The following MACROD2 variants were observed in gnomAD, a reference collection of about 807,000 sequenced individuals.
MACROD2 encodes the protein ADP-ribose glycohydrolase MACROD2.
A neutral mutation model predicts 70.4 loss-of-function variants in MACROD2; 36 were observed. That is an observed-to-expected ratio of 0.51 (90% CI 0.39 to 0.68). The LOEUF (loss-of-function observed/expected upper bound fraction) is 0.68. Among genes scored for constraint, MACROD2 ranks in the 30% least tolerant of loss-of-function variants. MACROD2 has a pLI of 0.00. For synonymous variants in MACROD2, 172 were observed against 178.8 expected, an observed-to-expected ratio of 0.96 and a Z score of 0.30; for missense variants, 496 against 538.4, an observed-to-expected ratio of 0.92 and a Z score of 0.78.
At chr20:14,681,259 T>G (rs890444217) in intron 4 of MACROD2, among the ~76,000 whole-genome samples, 4 of 152,194 alleles carry the variant, frequency 2.6e-5, no homozygotes, top group Non-Finnish European at 5.9e-5. Flanking sequence ...TTTCACTCAA[T>G]GATATTTGTC....
intron 5 of MACROD2, among the ~76,000 whole-genome samples, chr20:14,777,683 AC>A (rs1248018818): frequency 6.6e-6 from 1 of 152,056 alleles, no homozygotes; most frequent in African/African-American, 2.4e-5. Flanking sequence ...TAACTAGTGG[AC>A]CCAGGCATGA....
In MACROD2 at chr20:14,984,581, G is replaced by A. The variant is rs575514369; in HGVS notation, c.419-245359G>A. ...ATCTAGATTAAAGAAACTGCTAGAC[G>A]AACAGGGGTGGGCAAGTTGTCAATG... On this transcript the variant is annotated intron_variant, in intron 5 of 17. Transcript: ENST00000684519. 3.3e-5 allele frequency among the ~76,000 whole-genome samples: 5 copies of A among 152,248 alleles called. No homozygotes were observed. In the East Asian group the frequency reaches 7.7e-4, roughly 23 times the overall value.
intron 15 of MACROD2, among the ~76,000 whole-genome samples, chr20:15,991,947 T>C (rs960342027): frequency 1.3e-5 from 2 of 152,214 alleles, no homozygotes; most frequent in Non-Finnish European, 2.9e-5. Flanking sequence ...TTAAGCTAAA[T>C]TGTTTAGGTT....
intron 1 of MACROD2, among the ~76,000 whole-genome samples, chr20:14,001,606 TA>T (rs539623539): frequency 9.2e-5 from 14 of 151,774 alleles, no homozygotes; most frequent in Admixed American, 3.9e-4. Context: ...AGTAATTTAT[TA>T]AAAAAAAGAC....
intron 3 of MACROD2, among the ~76,000 whole-genome samples, chr20:14,195,711 T>C (rs1171805669): frequency 6.6e-6 from 1 of 152,158 alleles, no homozygotes; most frequent in Admixed American, 6.5e-5. Flanking sequence ...GGCTGCCGAC[T>C]GGCAGAGCAT....
intron 15 of MACROD2, among the ~76,000 whole-genome samples, chr20:16,005,956 T>G (rs1568702857): frequency 6.6e-6 from 1 of 152,182 alleles, no homozygotes; most frequent in Non-Finnish European, 1.5e-5. Context: ...GTTTTTCCCA[T>G]CTCATCAAGC....
chr20:14,678,811 A>C (rs1029617077), intron 4 of MACROD2, among the ~76,000 whole-genome samples: 1 of 152,198 alleles, frequency 6.6e-6, no homozygotes, highest in Non-Finnish European at 1.5e-5. Flanking sequence ...GTGAACTTTC[A>C]GATTCAATGA....
chr20:14,983,288 T>G (rs929063047), intron 5 of MACROD2, among the ~76,000 whole-genome samples: 3 of 152,150 alleles, frequency 2.0e-5, no homozygotes, highest in Non-Finnish European at 4.4e-5. Context: ...TTGTCTCAGT[T>G]GAGACTTTGG....
intron 4 of MACROD2, among the ~76,000 whole-genome samples, chr20:14,626,056 C>G (rs995664327): frequency 7.9e-5 from 12 of 152,134 alleles, no homozygotes; most frequent in African/African-American, 2.9e-4. Context: ...AAACTTGTGA[C>G]CTCGTGATCT....
rs73100653 is a variant in MACROD2 at position 14,606,628 on chromosome 20, T to C, written c.302-78215T>C. Among the ~76,000 whole-genome samples the C allele has an allele frequency of 2.3e-3, 350 of 152,276 alleles. 4 individuals carry two copies. The highest frequency in any genetic ancestry group is 3.2e-3 in the Non-Finnish European group (215 of 68,018). Reference sequence around the variant, plus strand: ...TGTCAGAGATTGGAACTATGAGTCTTATGGGCCTACTGTTTTCAATACGTT... The same window carrying C: ...TGTCAGAGATTGGAACTATGAGTCTCATGGGCCTACTGTTTTCAATACGTT... On this transcript the variant is annotated intron_variant, in intron 4 of 17. Transcript: ENST00000684519.
intron 2 of MACROD2, among the ~76,000 whole-genome samples, chr20:14,043,726 G>T (rs1464760771): frequency 1.3e-5 from 2 of 152,154 alleles, no homozygotes; most frequent in African/African-American, 4.8e-5. Context: ...GTAGGTCAGA[G>T]AATTTCTTTA....
chr20:14,076,898 A>G (rs1601193271), intron 2 of MACROD2, among the ~76,000 whole-genome samples: 1 of 152,202 alleles, frequency 6.6e-6, no homozygotes, highest in East Asian at 1.9e-4. Context: ...CCTAAGAACC[A>G]CTGTACAAGT....
In MACROD2 at chr20:14,317,336, C is replaced by T. The variant is rs75746964; in HGVS notation, c.272-176143C>T. On this transcript the variant is annotated intron_variant, in intron 3 of 17. Transcript: ENST00000684519. ...TGAGTTTTGTTTAATATCTGGATTC[C>T]TGGGTGGGCACGGTGACTAATGCCT... Among the ~76,000 whole-genome samples the T allele has an allele frequency of 9.6e-3, 1,453 of 152,006 alleles. 23 individuals carry two copies. The highest frequency in any genetic ancestry group is 0.033 in the African/African-American group (1,381 of 41,456).
intron 15 of MACROD2, among the ~76,000 whole-genome samples, chr20:16,037,843 T>A (rs895076884): frequency 6.6e-6 from 1 of 151,932 alleles, no homozygotes; most frequent in Non-Finnish European, 1.5e-5. Flanking sequence ...CATGTTTTGA[T>A]AAACTTATTT....
At chr20:15,178,661 A>C (rs1185914696) in intron 5 of MACROD2, among the ~76,000 whole-genome samples, 1 of 152,072 alleles carries the variant, frequency 6.6e-6, no homozygotes, top group Non-Finnish European at 1.5e-5. Flanking sequence ...TGTGTCCTGC[A>C]CCTCCTCCCA....
chr20:14,269,156 G>T (rs1363987308), intron 3 of MACROD2, among the ~76,000 whole-genome samples: 2 of 152,140 alleles, frequency 1.3e-5, no homozygotes. Flanking sequence ...TGTGTGTGTG[G>T]AAATTAGTGC....
intron 8 of MACROD2, among the ~76,000 whole-genome samples, chr20:15,606,396 T>C (rs188537672): frequency 1.3e-5 from 2 of 152,242 alleles, no homozygotes; most frequent in African/African-American, 4.8e-5. Context: ...GCTGTTTTTT[T>C]CTTCTTCAGT....
At chr20:14,264,011 AC>A (rs2082122390) in intron 3 of MACROD2, among the ~76,000 whole-genome samples, 3 of 130,980 alleles carry the variant, frequency 2.3e-5, no homozygotes, top group African/African-American at 5.3e-5. Context: ...ACACACACAC[AC>A]ACACACACAC....
At chr20:15,297,404 C>T (rs1388680650) in intron 6 of MACROD2, among the ~76,000 whole-genome samples, 2 of 152,164 alleles carry the variant, frequency 1.3e-5, no homozygotes, top group African/African-American at 2.4e-5. Context: ...TCTACATTTA[C>T]ATTCCAACTT....
Sources: allele counts gnomAD v4.1 joint callset (sites outside exome capture counted in the v4.1 genomes callset), GRCh38; gene constraint gnomAD v4.1.1; transcripts MANE v1.5; gene names NCBI Gene and HGNC (gene_info 2026-07-23, HGNC 2026-07-21).